The following ARMC9 variants were observed in gnomAD, a reference collection of about 807,000 sequenced individuals.
ARMC9 encodes the protein armadillo repeat containing 9, also known as lisH domain-containing protein ARMC9.
ARMC9 carries 94 observed loss-of-function variants against 107.0 expected under a neutral mutation model. The ratio of observed to expected loss-of-function variants is 0.88; its 90% CI spans 0.74 to 1.04. The LOEUF (loss-of-function observed/expected upper bound fraction) is 1.04, where lower values mean the gene tolerates loss of function less well. ARMC9 is among the 50% of genes least tolerant of loss of function. The pLI is 0.00. For synonymous variants in ARMC9, 380 were observed against 396.9 expected (o/e 0.96, Z 0.51); for missense variants, 942 against 1,030.1 (o/e 0.91, Z 1.17).
rs1003220397 is a variant in ARMC9 at position 231,339,280 on chromosome 2, A to G, written c.1879-5695A>G. On this transcript the variant is annotated intron_variant, in intron 20 of 24. Coordinates refer to ENST00000611582, the MANE Select transcript of ARMC9 (RefSeq NM_001352754.2). ...GAGGCAGAGGTTGCAGTGAGCCGAG[A>G]TCGCGCCATTGCACTCTAGCTCTGG... 1.6e-4 allele frequency among the ~76,000 whole-genome samples: 24 copies of G among 152,044 alleles called. 1 individual carries two copies. The highest frequency in any genetic ancestry group is 5.6e-4 in the African/African-American group (23 of 41,372).
chr2:231,367,859 T>C (rs1575200661), intron 23 of ARMC9, among the ~76,000 whole-genome samples: 1 of 151,472 alleles, frequency 6.6e-6, no homozygotes, highest in Non-Finnish European at 1.5e-5. Context: ...GGCGGGCGCC[T>C]GTAATTGCAG....
chr2:231,274,329 T>C (rs1258616352), intron 14 of ARMC9, among the ~76,000 whole-genome samples: 2 of 152,048 alleles, frequency 1.3e-5, no homozygotes, highest in Non-Finnish European at 2.9e-5. Flanking sequence ...TGCTGGTGAG[T>C]CTGGTCTCGA....
rs912835176 is a variant in ARMC9 at position 231,352,859 on chromosome 2, G to C, written c.1995-2939G>C. Among the ~76,000 whole-genome samples, 12 of 135,258 alleles carry C rather than the reference G, an allele frequency of 8.9e-5. 1 individual carries two copies. Among genetic ancestry groups the C allele is most frequent in the Admixed American group, 7.4e-4 (11 of 14,964 alleles). 88.7% of individuals were successfully genotyped at this position (135,258 alleles called of 152,430 possible). A position where few individuals can be genotyped will look rare whatever the true frequency, so the allele number is the denominator to read the frequency against. On this transcript the variant is annotated intron_variant, in intron 21 of 24. Transcript: ENST00000611582. ...ATTACATTCCCAGGCCGGGCGCGGG[G>C]GCTCACACCAGCCTGGGCCAAGATG...
intron 21 of ARMC9, among the ~76,000 whole-genome samples, chr2:231,353,980 T>TATACAC (rs1395992147): frequency 0.011 from 1,459 of 135,312 alleles, 20 homozygotes; most frequent in African/African-American, 0.032. Flanking sequence ...TATGTATATA[T>TATACAC]ACACACACAC....
At chr2:231,335,457 C>A (rs1056153262) in intron 20 of ARMC9, among the ~76,000 whole-genome samples, 5 of 152,174 alleles carry the variant, frequency 3.3e-5, no homozygotes, top group African/African-American at 9.7e-5. Context: ...CCCACCTGTT[C>A]CCTGCAGGGC....
intron 9 of ARMC9, 23 bp from the exon 10 acceptor site, chr2:231,256,563 T>C: frequency 6.2e-7 from 1 of 1,613,512 alleles, no homozygotes; most frequent in South Asian, 1.1e-5. Flanking sequence ...ACCATCTGTT[T>C]TCTTCTGTCC....
chr2:231,272,166 TTGTGTGTG>T (rs60518694), intron 13 of ARMC9, among the ~76,000 whole-genome samples: 6 of 146,750 alleles, frequency 4.1e-5, no homozygotes, highest in African/African-American at 1.6e-4. Flanking sequence ...TGTGGGGGTT[TTGTGTGTG>T]TGTGTGTGTT....
At chr2:231,308,134 T>C (rs565504632) in intron 19 of ARMC9, among the ~76,000 whole-genome samples, 2 of 152,206 alleles carry the variant, frequency 1.3e-5, no homozygotes, top group Non-Finnish European at 1.5e-5. Flanking sequence ...AGAGGACTAC[T>C]CTGGCATCAG....
chr2:231,316,168 G>A (rs2042666443), intron 19 of ARMC9, among the ~76,000 whole-genome samples: 1 of 147,930 alleles, frequency 6.8e-6, no homozygotes, highest in Non-Finnish European at 1.5e-5. Flanking sequence ...GTATGTGTGT[G>A]TGTGTGTGTG....
At chr2:231,272,805 C>T (rs983701301) in intron 13 of ARMC9, 150 bp from the exon 14 acceptor site, 8 of 1,005,046 alleles carry the variant, frequency 8.0e-6, no homozygotes, top group African/African-American at 3.3e-5. Flanking sequence ...CGTGAGCCAC[C>T]GCGCCCTGCC....
chr2:231,308,024 G>A (rs755092355), intron 19 of ARMC9, among the ~76,000 whole-genome samples: 5 of 152,224 alleles, frequency 3.3e-5, no homozygotes, highest in Non-Finnish European at 7.3e-5. Context: ...GGGCAAGGGT[G>A]GGAGACAAAG....
Position 231,331,687 on chromosome 2 carries a change from T to G in ARMC9, c.1774-106T>G, listed in dbSNP as rs1263875164. 3 of 928,408 alleles carry G rather than the reference T, an allele frequency of 3.2e-6. No homozygotes were observed. In the Admixed American group the frequency reaches 6.9e-5, roughly 21 times the overall value. 57.5% of individuals were successfully genotyped at this position (928,408 alleles called of 1,614,324 possible). A position where few individuals can be genotyped will look rare whatever the true frequency, so the allele number is the denominator to read the frequency against. On this transcript the variant is annotated intron_variant, in intron 19 of 24. Coordinates refer to ENST00000611582, the MANE Select transcript of ARMC9 (RefSeq NM_001352754.2). ...ATATAAGCCTGCAAGTTGCTGTGAT[T>G]GGCCGAGGCCTTCTTGTTTCATGAC...
intron 8 of ARMC9, among the ~76,000 whole-genome samples, chr2:231,239,129 T>C (rs568396325): frequency 6.6e-6 from 1 of 152,316 alleles, no homozygotes; most frequent in Admixed American, 6.5e-5. Context: ...TTAATAGTCA[T>C]TATCCGCAGG....
intron 12 of ARMC9, among the ~76,000 whole-genome samples, chr2:231,268,736 A>C (rs1245171883): frequency 6.6e-6 from 1 of 152,128 alleles, no homozygotes; most frequent in Non-Finnish European, 1.5e-5. Context: ...ACATTGCTCC[A>C]TTGTCTTTTA....
chr2:231,206,384 T>G, intron 2 of ARMC9, 95 bp downstream of exon 2: 2 of 1,013,430 alleles, frequency 2.0e-6, no homozygotes, highest in Non-Finnish European at 2.9e-6. Flanking sequence ...TTGTAATGTT[T>G]CTTCTATTGT....
intron 23 of ARMC9, among the ~76,000 whole-genome samples, chr2:231,368,703 C>A (rs1042383862): frequency 1.3e-5 from 2 of 152,234 alleles, no homozygotes; most frequent in South Asian, 2.1e-4. Flanking sequence ...AAGCTCACTG[C>A]AGCCTTGACC....
chr2:231,253,567 T>G lies in ARMC9; in HGVS notation c.880-3019T>G, dbSNP rs551316778. The stretch of plus-strand genomic sequence containing the variant: ...GTCTCAAAAAAAAGAAAAAAAAATG[T>G]TATGGACCAGAGTTGGGCTTCTCCA... On this transcript the variant is annotated intron_variant, in intron 9 of 24. Coordinates refer to ENST00000611582, the MANE Select transcript of ARMC9 (RefSeq NM_001352754.2). Among the ~76,000 whole-genome samples, 68 of 152,142 alleles carry G rather than the reference T, an allele frequency of 4.5e-4. 1 individual carries two copies. In the South Asian group the frequency reaches 0.013, roughly 28 times the overall value.
At chr2:231,247,080 C>A (rs932997925) in intron 9 of ARMC9, among the ~76,000 whole-genome samples, 1 of 152,028 alleles carries the variant, frequency 6.6e-6, no homozygotes, top group East Asian at 1.9e-4. Context: ...CTCAGCCTCC[C>A]GAGTAGCTGG....
chr2:231,236,604 C>G (rs1194717554), intron 8 of ARMC9, among the ~76,000 whole-genome samples: 1 of 152,006 alleles, frequency 6.6e-6, no homozygotes, highest in Non-Finnish European at 1.5e-5. Flanking sequence ...TGAAACTACT[C>G]TGGGCAATAT....
Sources: gnomAD v4.1 joint callset for allele counts (sites outside exome capture counted in the v4.1 genomes callset) on GRCh38, gnomAD v4.1.1 for gene constraint, MANE v1.5 for transcripts, NCBI Gene and HGNC (gene_info 2026-07-23, HGNC 2026-07-21) for gene names.